CDH13: variants seen among roughly 807,000 people sequenced by gnomAD.
CDH13 encodes cadherin-13.
In CDH13, 24 loss-of-function variants were observed where a neutral mutation model predicts 63.8. That is an observed-to-expected ratio of 0.38 (90% CI 0.27 to 0.53). The LOEUF (loss-of-function observed/expected upper bound fraction) is 0.53. CDH13 is among the 20% of genes least tolerant of loss of function. The pLI, the probability that CDH13 is intolerant of heterozygous loss-of-function variation, is 0.85. For missense variants in CDH13, 1,049 were observed against 903.1 expected (o/e 1.16, Z -2.07); for synonymous variants, 503 against 355.3 (o/e 1.42, Z -4.67).
intron 2 of CDH13, among the ~76,000 whole-genome samples, chr16:83,011,588 A>G (rs544139284): frequency 1.3e-5 from 2 of 152,292 alleles, no homozygotes; most frequent in Admixed American, 6.5e-5. Context: ...TGGCTCCTGT[A>G]CCAGGTTGCA....
At chr16:82,908,717 A>T (rs2041727292) in intron 2 of CDH13, among the ~76,000 whole-genome samples, 1 of 152,184 alleles carries the variant, frequency 6.6e-6, no homozygotes, top group Non-Finnish European at 1.5e-5. Flanking sequence ...GTGGGGGCCA[A>T]AATCCAGAAA....
chr16:83,722,664 T>G (rs1485935345), intron 10 of CDH13, among the ~76,000 whole-genome samples: 1 of 152,214 alleles, frequency 6.6e-6, no homozygotes, highest in African/African-American at 2.4e-5. Flanking sequence ...ACTGCACTGA[T>G]GTATCCTGTT....
At chr16:82,688,301 C>A (rs141163945) in intron 1 of CDH13, among the ~76,000 whole-genome samples, 6 of 152,268 alleles carry the variant, frequency 3.9e-5, no homozygotes, top group African/African-American at 1.4e-4. Context: ...CAAATCTAAG[C>A]CCCTAAATAC....
intron 2 of CDH13, among the ~76,000 whole-genome samples, chr16:82,865,684 G>A (rs572318530): frequency 2.6e-5 from 4 of 152,318 alleles, no homozygotes; most frequent in East Asian, 1.9e-4. Context: ...CCTCTGAGAT[G>A]CCCTGGAGAC....
intron 7 of CDH13, among the ~76,000 whole-genome samples, chr16:83,557,090 C>A (rs547756106): frequency 6.6e-6 from 1 of 152,308 alleles, no homozygotes; most frequent in Admixed American, 6.5e-5. Flanking sequence ...TCCTGAGCTC[C>A]TCCTCCTGTC....
intron 2 of CDH13, among the ~76,000 whole-genome samples, chr16:83,000,357 T>C (rs11640311): frequency 2.0e-5 from 3 of 147,642 alleles, no homozygotes; most frequent in African/African-American, 7.5e-5. Flanking sequence ...CAAGCAATTG[T>C]CTTGCCTCAG....
chr16:83,442,045 C>G (rs993882956), intron 6 of CDH13, among the ~76,000 whole-genome samples: 5 of 152,038 alleles, frequency 3.3e-5, no homozygotes, highest in African/African-American at 4.8e-5. Context: ...CTTTTTTGTC[C>G]ACAAGCAAAA....
At chr16:82,861,116 T>A (rs935699984) in intron 2 of CDH13, among the ~76,000 whole-genome samples, 1 of 152,136 alleles carries the variant, frequency 6.6e-6, no homozygotes. Context: ...GTTAAATGCA[T>A]AGATTCCATT....
Position 83,676,782 on chromosome 16 carries a change from G to A in CDH13, c.1285-1426G>A, listed in dbSNP as rs529694160. Among the ~76,000 whole-genome samples the A allele has an allele frequency of 5.9e-5, 9 of 152,322 alleles. No individual in the cohort carries two copies. In the South Asian group the frequency reaches 1.9e-3, roughly 32 times the overall value. On this transcript the variant is annotated intron_variant, in intron 9 of 13. Coordinates refer to ENST00000567109, the MANE Select transcript of CDH13 (RefSeq NM_001257.5). Reference sequence around the variant, plus strand: ...GGGCACACACTCTCCCATGTGTGGCGTGCTTAGCACTGAATACATGTCAGC... The same window carrying A: ...GGGCACACACTCTCCCATGTGTGGCATGCTTAGCACTGAATACATGTCAGC...
At chr16:83,417,293 C>G (rs75330620) in intron 6 of CDH13, among the ~76,000 whole-genome samples, 2 of 152,172 alleles carry the variant, frequency 1.3e-5, no homozygotes, top group African/African-American at 4.8e-5. Flanking sequence ...AGAACAGCCT[C>G]CCTTTCCGGT....
intron 6 of CDH13, among the ~76,000 whole-genome samples, chr16:83,433,856 T>C (rs2072203244): frequency 6.6e-6 from 1 of 151,710 alleles, no homozygotes; most frequent in Admixed American, 6.6e-5. Flanking sequence ...TTGGTAATGA[T>C]TTTTTTTTCC....
intron 2 of CDH13, among the ~76,000 whole-genome samples, chr16:82,947,002 G>A (rs573784033): frequency 6.1e-4 from 86 of 140,892 alleles, no homozygotes; most frequent in African/African-American, 2.3e-3. Context: ...AAGTGCGCAC[G>A]CCTGTGTGTG....
intron 1 of CDH13, among the ~76,000 whole-genome samples, chr16:82,711,496 G>A (rs1391461389): frequency 1.3e-5 from 2 of 152,112 alleles, no homozygotes; most frequent in African/African-American, 4.8e-5. Flanking sequence ...TAGGCATGTG[G>A]GTTCAAGAGG....
intron 2 of CDH13, among the ~76,000 whole-genome samples, chr16:82,865,512 A>C (rs1371964938): frequency 6.6e-6 from 1 of 152,214 alleles, no homozygotes; most frequent in Non-Finnish European, 1.5e-5. Context: ...CACCCTCTGA[A>C]ACAATAGCCT....
chr16:82,803,952 G>A (rs1241964467), intron 1 of CDH13, among the ~76,000 whole-genome samples: 1 of 152,178 alleles, frequency 6.6e-6, no homozygotes, highest in African/African-American at 2.4e-5. Context: ...TTCAGAGGCT[G>A]GGCGCCATGG....
chr16:83,149,446 A>G (rs1487905586), intron 4 of CDH13, among the ~76,000 whole-genome samples: 5 of 152,216 alleles, frequency 3.3e-5, no homozygotes, highest in Non-Finnish European at 7.3e-5. Flanking sequence ...CAGTGAGAAA[A>G]CTAGAGATTC....
At chr16:82,650,412 C>T (rs1331118346) in intron 1 of CDH13, among the ~76,000 whole-genome samples, 1 of 152,142 alleles carries the variant, frequency 6.6e-6, no homozygotes, top group African/African-American at 2.4e-5. Flanking sequence ...ACTCAGTGCC[C>T]TTTCTCTATT....
chr16:83,391,599 A>G (rs1199681430), intron 6 of CDH13, among the ~76,000 whole-genome samples: 4 of 152,016 alleles, frequency 2.6e-5, no homozygotes, highest in Non-Finnish European at 5.9e-5. Flanking sequence ...AAATGCAAAT[A>G]CTCTGGCGCA....
Position 82,984,923 on chromosome 16 carries a change from C to T in CDH13, c.158-47087C>T, listed in dbSNP as rs145977695. ...GGACTTACAGTGAATTGTCACAACT[C>T]TCCAGCATCTGCAATATTCCTACTT... On this transcript the variant is annotated intron_variant, in intron 2 of 13. Transcript: ENST00000567109. Among the ~76,000 whole-genome samples the T allele has an allele frequency of 3.9e-5, 6 of 152,264 alleles. No individual in the cohort carries two copies. In the East Asian group the frequency reaches 1.2e-3, roughly 30 times the overall value.
Sources: allele counts gnomAD v4.1 joint callset (sites outside exome capture counted in the v4.1 genomes callset), GRCh38; gene constraint gnomAD v4.1.1; transcripts MANE v1.5; gene names NCBI Gene and HGNC (gene_info 2026-07-23, HGNC 2026-07-21).